The following NLRP2 variants were observed in gnomAD, a reference collection of about 807,000 sequenced individuals.
NLRP2 encodes the protein NLR family pyrin domain containing 2.
A neutral mutation model predicts 97.2 loss-of-function variants in NLRP2; 107 were observed. The ratio of observed to expected loss-of-function variants is 1.10; its 90% CI spans 0.94 to 1.29. NLRP2 has a LOEUF of 1.29. Ranked by LOEUF, NLRP2 falls within the 50% of genes most tolerant of loss-of-function variation. NLRP2 has a pLI of 0.00. For synonymous variants in NLRP2, 663 were observed against 551.5 expected (o/e 1.20, Z -2.83); for missense variants, 1,495 against 1,330.3 (o/e 1.12, Z -1.93).
chr19:54,988,068 T>C (rs1281000666), intron 8 of NLRP2, among the ~76,000 whole-genome samples: 1 of 152,044 alleles, frequency 6.6e-6, no homozygotes, highest in Non-Finnish European at 1.5e-5. Flanking sequence ...AATTGATTGC[T>C]CTGGCTCTAC....
intron 2 of NLRP2, chr19:54,973,894 C>G: frequency 1.5e-6 from 1 of 681,800 alleles, no homozygotes; most frequent in South Asian, 1.4e-5. Flanking sequence ...TGACACAAGG[C>G]AAGGATTCTT....
rs558518586 is a variant in NLRP2 at position 54,975,106 on chromosome 19, GTTTTTTTT to G, written c.325+592_325+599del. 2.7e-3 allele frequency among the ~76,000 whole-genome samples: 160 copies of G among 58,704 alleles called. 3 individuals carry two copies. Among genetic ancestry groups the G allele is most frequent in the African/African-American group, 7.4e-3 (134 of 17,998 alleles). The allele number at this position is 58,704 out of a possible 152,430, so 38.5% of individuals were successfully genotyped here. Reference sequence around the variant, plus strand: ...ATGAGCCACCACCACACCCGGTTTTGTTTTTTTTTTTTTTTTTTTTTTTTTTTTTTTTT... The same window carrying G: ...ATGAGCCACCACCACACCCGGTTTTGTTTTTTTTTTTTTTTTTTTTTTTTT... On this transcript the variant is annotated intron_variant, in intron 3 of 12. Coordinates refer to ENST00000448584, the MANE Select transcript of NLRP2 (RefSeq NM_017852.5).
At position 54,983,524 on chromosome 19, in the gene NLRP2, T is replaced by C; in HGVS notation, c.1826T>C (p.Leu609Pro). 17 of 1,614,204 alleles carry C rather than the reference T, an allele frequency of 1.1e-5. No homozygotes were observed. The highest frequency in any genetic ancestry group is 1.4e-5 in the Non-Finnish European group (16 of 1,180,028). ...VTDLQELLGC[L>P]YESQEEELVK... The stretch of plus-strand genomic sequence containing the variant: ...GACCTGCAGGAGCTCCTCGGCTGTC[T>C]GTACGAGTCTCAGGAGGAGGAGCTG... The change falls in exon 6 of 13, where the codon CTG (leucine) becomes CCG (proline). Residue 609 changes from leucine to proline, a missense_variant. By Grantham distance (98) the Leu-to-Pro change is moderately conservative. Transcript: ENST00000448584.
intron 2 of NLRP2, chr19:54,973,895 A>G: frequency 2.9e-6 from 2 of 683,764 alleles, no homozygotes; most frequent in Non-Finnish European, 5.4e-6. Flanking sequence ...GACACAAGGC[A>G]AGGATTCTTG....
chr19:54,969,928 C>A, intron 1 of NLRP2, 71 bp from the exon 2 acceptor site: 1 of 1,470,250 alleles, frequency 6.8e-7, no homozygotes, highest in Non-Finnish European at 9.5e-7. Flanking sequence ...CGTGGCACAG[C>A]AGGAACTGGC....
chr19:54,968,494 T>G (rs2070622533), intron 1 of NLRP2, among the ~76,000 whole-genome samples: 1 of 38,298 alleles, frequency 2.6e-5, no homozygotes, highest in Admixed American at 2.0e-4. Flanking sequence ...CCAGCACAAT[T>G]TTTTTTTTTT....
chr19:54,990,546 C>T lies in NLRP2; in HGVS notation c.2582C>T (p.Ala861Val), dbSNP rs1004639400. Residue 861 changes from alanine (A) to valine (V), a missense_variant, in exon 10 of 13, where the codon GCT (alanine) becomes GTT (valine). Physicochemically the swap from Ala to Val is moderately conservative, Grantham distance 64. Transcript: ENST00000448584. ...ACAGAAGCCAATTGCAAGGACCTTG[C>T]TGCTGTGTTGGTTGTCAGCCGGGAG... is the stretch of plus-strand genomic sequence containing the variant. ...HLTEANCKDL[A>V]AVLVVSRELT... 3.7e-6 allele frequency: 6 copies of T among 1,614,162 alleles called. No homozygotes were observed. Among genetic ancestry groups the T allele is most frequent in the South Asian group, 1.1e-5 (1 of 91,078 alleles).
At chr19:54,975,120 T>TTG (rs1568474992) in intron 3 of NLRP2, among the ~76,000 whole-genome samples, 13 of 44,368 alleles carry the variant, frequency 2.9e-4, no homozygotes, top group African/African-American at 1.0e-3. Flanking sequence ...TTTTTTTTTT[T>TTG]TTTTTTTTTT....
chr19:54,994,392 C>T lies in NLRP2; in HGVS notation c.2832C>T (p.Phe944=), dbSNP rs2072685599. 2 of 1,613,516 alleles carry T rather than the reference C, an allele frequency of 1.2e-6. No individual in the cohort carries two copies. The highest frequency in any genetic ancestry group is 1.1e-5 in the South Asian group (1 of 91,042). ...ACATAGGAGTTAAGGGAATGAAGTT[C>T]CTGTGTGAGGCTTTGAGGAAACCAC... The part of the protein sequence containing the change: ...LNHIGVKGMK[F]LCEALRKPLC... The change falls in exon 11 of 13, where the codon TTC becomes TTT. Residue 944 remains phenylalanine (F), a synonymous_variant. Transcript: ENST00000448584.
chr19:54,981,523 C>A, intron 4 of NLRP2, 94 bp from the exon 5 acceptor site: 1 of 460,060 alleles, frequency 2.2e-6, no homozygotes, highest in South Asian at 1.7e-5. Flanking sequence ...CCCCTCCCCC[C>A]CGCCCCATCA....
intron 10 of NLRP2, chr19:54,993,352 AG>A (rs2072613477): frequency 6.6e-6 from 1 of 151,930 alleles, no homozygotes; most frequent in Non-Finnish European, 1.5e-5. Context: ...TCCCTCAGCT[AG>A]TGGTATGCTT....
At chr19:54,981,259 C>T (rs1001548818) in intron 4 of NLRP2, among the ~76,000 whole-genome samples, 4 of 152,028 alleles carry the variant, frequency 2.6e-5, no homozygotes, top group African/African-American at 9.7e-5. Context: ...CTCCATCTCC[C>T]AGGTTCAAGC....
chr19:54,982,146 C>T lies in NLRP2; in HGVS notation c.464-16C>T, dbSNP rs774879318. 1.9e-6 allele frequency: 3 copies of T among 1,613,780 alleles called. No homozygotes were observed. The highest frequency in any genetic ancestry group is 2.5e-6 in the Non-Finnish European group (3 of 1,180,038). On this transcript the variant is annotated splice_polypyrimidine_tract_variant and intron_variant, in intron 5 of 12. Coordinates refer to ENST00000448584, the MANE Select transcript of NLRP2 (RefSeq NM_017852.5). ...GATTGCATCCTCTCTCCCTTCCCTC[C>T]TCACCAATGATAAAGACAAAGACAA... is the stretch of plus-strand genomic sequence containing the variant.
intron 12 of NLRP2, among the ~76,000 whole-genome samples, chr19:54,997,913 T>C (rs1028680854): frequency 6.6e-6 from 1 of 152,016 alleles, no homozygotes; most frequent in Non-Finnish European, 1.5e-5. Context: ...CATGAACCAT[T>C]GCACCCAGCC....
chr19:54,967,097 G>A (rs953138674), intron 1 of NLRP2, among the ~76,000 whole-genome samples: 1 of 150,462 alleles, frequency 6.6e-6, no homozygotes, highest in Non-Finnish European at 1.5e-5. Flanking sequence ...TAACTCCTGG[G>A]CTCAAGCGAT....
At chr19:54,973,862 G>A (rs1293606398) in intron 2 of NLRP2, 1 of 642,914 alleles carries the variant, frequency 1.6e-6, no homozygotes, top group Non-Finnish European at 3.0e-6. Context: ...TAAGAAGTGT[G>A]GCAAGCACCA....
In NLRP2 at chr19:54,983,207, C is replaced by G. The variant is rs745829660; in HGVS notation, c.1509C>G (p.His503Gln). The G allele has an allele frequency of 6.8e-6, 11 of 1,613,978 alleles. No homozygotes were observed. The Admixed American group carries it at 1.7e-4, about 24-fold the overall frequency. ...RVSKGCYSFI[H>Q]LSFQQFLTAL... ...CCAAAGGCTGCTACTCCTTCATCCA[C>G]CTCAGCTTCCAGCAGTTTCTCACTG... Residue 503 changes from histidine (H) to glutamine (Q), a missense_variant, in exon 6 of 13, where the codon CAC becomes CAG. Transcript: ENST00000448584.
At chr19:54,992,507 TGTGTG>T (rs1267926014) in intron 10 of NLRP2, among the ~76,000 whole-genome samples, 7 of 140,582 alleles carry the variant, frequency 5.0e-5, no homozygotes, top group African/African-American at 1.8e-4. Context: ...GTTGTGTGTG[TGTGTG>T]GTGTGTGGTG....
chr19:54,974,402 A>C, intron 2 of NLRP2, 98 bp from the exon 3 acceptor site: 1 of 881,972 alleles, frequency 1.1e-6, no homozygotes, highest in Non-Finnish European at 1.9e-6. Context: ...GAAAGGAACA[A>C]GTGATCCAGT....
Sources: allele counts gnomAD v4.1 joint callset (sites outside exome capture counted in the v4.1 genomes callset), GRCh38; gene constraint gnomAD v4.1.1; transcripts MANE v1.5; gene names NCBI Gene and HGNC (gene_info 2026-07-23, HGNC 2026-07-21).